TCL1A: variants seen among roughly 807,000 people sequenced by gnomAD.
TCL1A encodes the protein T-cell leukemia/lymphoma protein 1A.
In TCL1A, 9 loss-of-function variants were observed where a neutral mutation model predicts 16.9. The observed-to-expected ratio is 0.53, with a 90% confidence interval of 0.32 to 0.93. The LOEUF is 0.93. TCL1A is among the 40% of genes least tolerant of loss of function. The pLI, the probability that TCL1A is intolerant of heterozygous loss-of-function variation, is 0.04. For synonymous variants in TCL1A, 69 were observed against 63.2 expected, an observed-to-expected ratio of 1.09 and a Z score of -0.44; for missense variants, 139 against 153.0, an observed-to-expected ratio of 0.91 and a Z score of 0.48.
At position 95,712,263 on chromosome 14, in the gene TCL1A, C is replaced by G. The variant is rs1886375360; in HGVS notation, c.254G>C (p.Arg85Pro). The G allele has an allele frequency of 6.2e-7, 1 of 1,614,022 alleles. No homozygotes were observed. Among genetic ancestry groups the G allele is most frequent in the African/African-American group, 1.3e-5 (1 of 74,898 alleles). The change falls in exon 2 of 4, where the codon CGA becomes CCA. Residue 85 changes from arginine (R) to proline (P), a missense_variant. Arg to Pro is a moderately radical substitution (Grantham distance 103). Around this residue, in one of 2 missense-constraint regions of TCL1A, gnomAD observed 45 missense variants for 72.8 expected, o/e 0.62. Transcript: ENST00000402399. ...GCGCCAGAAACTGGAGTCTGAGGAT[C>G]GGTATCGTCCATCAGGGTAGAGCTG... Reference protein sequence around the residue: ...MWQLYPDGRYRSSDSSFWRLV... With the variant: ...MWQLYPDGRYPSSDSSFWRLV...
At chr14:95,711,831 T>G in intron 2 of TCL1A, 29 bp from the exon 3 acceptor site, 1 of 1,605,106 alleles carries the variant, frequency 6.2e-7, no homozygotes, top group South Asian at 1.1e-5. Context: ...GAGAAGGCAT[T>G]GATCGGCCAG....
rs142205645 is a variant in TCL1A at position 95,711,811 on chromosome 14, C to CAG, written c.298-11_298-10dup. On this transcript the variant is annotated splice_polypyrimidine_tract_variant and intron_variant, in intron 2 of 3. Transcript: ENST00000402399. ...TCCTCCACGCCGTCAATCTGAGAGG[C>CAG]AGAGAGAGAGAGAAGGCATTGATCG... 3,395 of 1,540,100 alleles carry CAG rather than the reference C, an allele frequency of 2.2e-3. 2 individuals carry two copies. Among genetic ancestry groups the CAG allele is most frequent in the Middle Eastern group, 3.4e-3 (20 of 5,860 alleles).
In TCL1A at chr14:95,713,576, T is replaced by A. The variant is rs139184818; in HGVS notation, c.120+371A>T. Among the ~76,000 whole-genome samples the A allele has an allele frequency of 4.6e-5, 7 of 152,212 alleles. No homozygotes were observed. The East Asian group carries it at 5.8e-4, about 13-fold the overall frequency. On this transcript the variant is annotated intron_variant, in intron 1 of 3. Transcript: ENST00000402399. The stretch of plus-strand genomic sequence containing the variant: ...AACTGTTGAGGGTTCTTTTTAAAAA[T>A]ACAGATTTCTGGGACCCACCTGAGA...
intron 1 of TCL1A, chr14:95,712,814 A>T (rs1886399749): frequency 1.5e-6 from 1 of 652,648 alleles, no homozygotes. Context: ...AGAAAGAGAG[A>T]AAAAGAATAC....
chr14:95,711,948 C>G, intron 2 of TCL1A, 146 bp from the exon 3 acceptor site: 4 of 1,053,154 alleles, frequency 3.8e-6, no homozygotes, highest in Non-Finnish European at 5.5e-6. Context: ...ACTGCCCCTC[C>G]TCCCACCAGC....
Position 95,714,091 on chromosome 14 carries a change from C to G in TCL1A, c.-25G>C, listed in dbSNP as rs369144655. The G allele has an allele frequency of 1.2e-6, 2 of 1,612,136 alleles. No homozygotes were observed. The highest frequency in any genetic ancestry group is 1.7e-6 in the Non-Finnish European group (2 of 1,179,802). On this transcript the variant is annotated 5_prime_UTR_variant, in exon 1 of 4. Transcript: ENST00000402399. ...TGGCGTCCTCGGGCCGCCTAAGAAGCAAGAGCCAGAGCCTCTCAAGGCCGC... is the reference window on the plus strand; with the variant it reads ...TGGCGTCCTCGGGCCGCCTAAGAAGGAAGAGCCAGAGCCTCTCAAGGCCGC...
chr14:95,714,044 C>T lies in TCL1A; in HGVS notation c.23G>A (p.Gly8Glu). The change falls in exon 1 of 4, where the codon GGG becomes GAG. Residue 8 changes from glycine to glutamate, a missense_variant. Physicochemically the swap from Gly to Glu is moderately conservative, Grantham distance 98. This residue lies in a region of TCL1A where 94 missense variants were observed against 80.2 expected (regional missense o/e 1.17). Coordinates refer to ENST00000402399, the MANE Select transcript of TCL1A (RefSeq NM_021966.3). Reference protein sequence around the residue: MAECPTLGEAVTDHPDRL... With the variant: MAECPTLEEAVTDHPDRL... ...GTCCGGGTGGTCGGTGACTGCCTCC[C>T]CGAGTGTCGGGCACTCGGCCATGGC... is the stretch of plus-strand genomic sequence containing the variant. 1 of 1,614,056 alleles carries T rather than the reference C, an allele frequency of 6.2e-7. No homozygotes were observed. The highest frequency in any genetic ancestry group is 2.2e-5 in the East Asian group (1 of 44,874).
intron 1 of TCL1A, among the ~76,000 whole-genome samples, chr14:95,713,507 A>C (rs1886439792): frequency 6.6e-6 from 1 of 152,302 alleles, no homozygotes; most frequent in African/African-American, 2.4e-5. Flanking sequence ...AGTGGAAAAT[A>C]CTTCACACTC....
chr14:95,713,064 TA>T (rs1886410059), intron 1 of TCL1A, among the ~76,000 whole-genome samples: 1 of 152,220 alleles, frequency 6.6e-6, no homozygotes, highest in African/African-American at 2.4e-5. Context: ...AAAACATATT[TA>T]AAAAATTGAA....
chr14:95,712,178 A>G, intron 2 of TCL1A, 42 bp downstream of exon 2: 1 of 1,612,742 alleles, frequency 6.2e-7, no homozygotes, highest in Middle Eastern at 1.7e-4. Context: ...AGGAGGGCAA[A>G]CCCAAGATCA....
rs762986307 is a variant in TCL1A, at chr14:95,712,344, A to G, written c.173T>C (p.Leu58Pro). 6.2e-7 allele frequency: 1 copy of G among 1,613,948 alleles called. No individual in the cohort carries two copies. Among genetic ancestry groups the G allele is most frequent in the South Asian group, 1.1e-5 (1 of 91,074 alleles). The change falls in exon 2 of 4, where the codon CTG (leucine) becomes CCG (proline). Residue 58 changes from leucine to proline, a missense_variant. Physicochemically the swap from Leu to Pro is moderately conservative, Grantham distance 98. Coordinates refer to ENST00000402399, the MANE Select transcript of TCL1A (RefSeq NM_021966.3). ...RVLLRREDVV[L>P]GRPMTPTQIG... ...CTGGGTGGGGGTCATAGGCCTCCCCAGGACGACGTCTTCCCGACGCAAGAG... is the reference window on the plus strand; with the variant it reads ...CTGGGTGGGGGTCATAGGCCTCCCCGGGACGACGTCTTCCCGACGCAAGAG...
At chr14:95,711,617 C>G in intron 3 of TCL1A, 132 bp downstream of exon 3, 4 of 1,060,012 alleles carry the variant, frequency 3.8e-6, no homozygotes, top group Non-Finnish European at 5.4e-6. Flanking sequence ...CAGGAAGCCT[C>G]TCCCATCCCT....
Position 95,711,813 on chromosome 14 carries a change from G to A in TCL1A, c.298-11C>T, listed in dbSNP as rs1251974660. 2 of 1,204,856 alleles carry A rather than the reference G, an allele frequency of 1.7e-6. No individual in the cohort carries two copies. Among genetic ancestry groups the A allele is most frequent in the Non-Finnish European group, 2.2e-6 (2 of 902,126 alleles). 74.6% of individuals were successfully genotyped at this position (1,204,856 alleles called of 1,614,324 possible). A position where few individuals can be genotyped will look rare whatever the true frequency, so the allele number is the denominator to read the frequency against. ...CTCCACGCCGTCAATCTGAGAGGCA[G>A]AGAGAGAGAGAAGGCATTGATCGGC... On this transcript the variant is annotated splice_polypyrimidine_tract_variant and intron_variant, in intron 2 of 3. Coordinates refer to ENST00000402399, the MANE Select transcript of TCL1A (RefSeq NM_021966.3).
rs1886304060 is a variant in TCL1A, at chr14:95,710,158, A to T, written c.*730T>A. ...CGTGACCATCTATAAAAGGGGGGAA[A>T]CCCAACCTCTATCCCTTTTCCACGT... On this transcript the variant is annotated 3_prime_UTR_variant, in exon 4 of 4. Coordinates refer to ENST00000402399, the MANE Select transcript of TCL1A (RefSeq NM_021966.3). 6.6e-6 allele frequency: 1 copy of T among 152,176 alleles called. No homozygotes were observed. The highest frequency in any genetic ancestry group is 2.1e-4 in the South Asian group (1 of 4,820). The allele number at this position is 152,176 out of a possible 1,614,324, so 9.4% of individuals were successfully genotyped here. A position where few individuals can be genotyped will look rare whatever the true frequency, so the allele number is the denominator to read the frequency against.
intron 2 of TCL1A, 178 bp downstream of exon 2, chr14:95,712,042 G>A: frequency 2.2e-6 from 2 of 901,510 alleles, no homozygotes; most frequent in Non-Finnish European, 3.4e-6. Context: ...TTCTGTTAGA[G>A]ACCTCAGAGG....
At chr14:95,713,898 C>G (rs1188658273) in intron 1 of TCL1A, 49 bp downstream of exon 1, 1 of 1,605,768 alleles carries the variant, frequency 6.2e-7, no homozygotes, top group Non-Finnish European at 8.5e-7. Context: ...TCCCAAGCTC[C>G]CAGGGGCTGC....
chr14:95,711,839 C>T, intron 2 of TCL1A, 37 bp from the exon 3 acceptor site: 1 of 1,600,592 alleles, frequency 6.2e-7, no homozygotes. Flanking sequence ...ATTGATCGGC[C>T]AGAGCCCTCC....
chr14:95,712,064 C>T, intron 2 of TCL1A, 156 bp downstream of exon 2: 1 of 1,026,802 alleles, frequency 9.7e-7, no homozygotes, highest in Non-Finnish European at 1.5e-6. Flanking sequence ...TCTATCTTCT[C>T]TCTGGTAAAG....
At position 95,711,796 on chromosome 14, in the gene TCL1A, C is replaced by T. The variant is rs370796806; in HGVS notation, c.304G>A (p.Gly102Ser). 51 of 1,611,454 alleles carry T rather than the reference C, an allele frequency of 3.2e-5. No homozygotes were observed. The African/African-American group carries it at 3.7e-4, about 12-fold the overall frequency. Reference protein sequence around the residue: ...WRLVYHIKIDGVEDMLLELLP... With the variant: ...WRLVYHIKIDSVEDMLLELLP... ...AGCTCGAGAAGCATGTCCTCCACGC[C>T]GTCAATCTGAGAGGCAGAGAGAGAG... The change falls in exon 3 of 4, where the codon GGC becomes AGC. Residue 102 changes from glycine to serine, a missense_variant. Transcript: ENST00000402399.
Sources: allele counts gnomAD v4.1 joint callset (sites outside exome capture counted in the v4.1 genomes callset), GRCh38; gene constraint gnomAD v4.1.1; regional missense constraint gnomAD v4.1.1; transcripts MANE v1.5; gene names NCBI Gene and HGNC (gene_info 2026-07-23, HGNC 2026-07-21).